Variants in GABRG3 observed in about 807,000 individuals in gnomAD.
GABRG3 encodes the protein gamma-aminobutyric acid type A receptor subunit gamma3, also known as gamma-aminobutyric acid receptor subunit gamma-3.
In GABRG3, 25 loss-of-function variants were observed where a neutral mutation model predicts 48.8. That is an observed-to-expected ratio of 0.51 (90% CI 0.37 to 0.72). The LOEUF is 0.72. Among genes scored for constraint, GABRG3 ranks in the 30% least tolerant of loss-of-function variants. The pLI is 0.00. For missense variants in GABRG3, 394 were observed against 577.9 expected, an observed-to-expected ratio of 0.68 and a Z score of 3.26; for synonymous variants, 227 against 217.6, an observed-to-expected ratio of 1.04 and a Z score of -0.38.
chr15:27,137,610 A>T (rs1236166794), intron 3 of GABRG3, among the ~76,000 whole-genome samples: 1 of 152,184 alleles, frequency 6.6e-6, no homozygotes, highest in African/African-American at 2.4e-5. Flanking sequence ...AATGTATAAC[A>T]TGCATTAATA....
chr15:27,176,178 T>G (rs1463697342), intron 3 of GABRG3, among the ~76,000 whole-genome samples: 1 of 152,218 alleles, frequency 6.6e-6, no homozygotes, highest in Non-Finnish European at 1.5e-5. Context: ...TGTGAATTTC[T>G]CAAAGAGCTA....
At chr15:27,170,521 A>T (rs1887530201) in intron 3 of GABRG3, among the ~76,000 whole-genome samples, 2 of 152,234 alleles carry the variant, frequency 1.3e-5, no homozygotes, top group Non-Finnish European at 2.9e-5. Context: ...GCTGATCCAA[A>T]AGAAAACAAG....
chr15:27,469,866 T>C (rs1376668497), intron 5 of GABRG3, among the ~76,000 whole-genome samples: 2 of 152,222 alleles, frequency 1.3e-5, no homozygotes, highest in Non-Finnish European at 2.9e-5. Flanking sequence ...TAGGCAGCCC[T>C]GTATAATTCT....
rs1015845182 is a variant in GABRG3 at position 27,481,150 on chromosome 15, A to G, written c.712+363A>G. 5.2e-5 allele frequency: 54 copies of G among 1,043,844 alleles called. No homozygotes were observed. The African/African-American group carries it at 8.0e-4, about 16-fold the overall frequency. 64.7% of individuals were successfully genotyped at this position (1,043,844 alleles called of 1,614,324 possible). ...CAAATATTATTGAGAATCCACACATAAAAGAAGCTGGTGTGATATGTCCTT... is the reference window on the plus strand; with the variant it reads ...CAAATATTATTGAGAATCCACACATGAAAGAAGCTGGTGTGATATGTCCTT... On this transcript the variant is annotated intron_variant, in intron 6 of 9. Coordinates refer to ENST00000615808, the MANE Select transcript of GABRG3 (RefSeq NM_033223.5).
intron 5 of GABRG3, chr15:27,350,115 T>C (rs1386830178): frequency 2.2e-6 from 1 of 455,954 alleles, no homozygotes; most frequent in African/African-American, 2.0e-5. Context: ...TCTTCCCTGC[T>C]CACTTTCCCA....
rs1482016215 is a variant in GABRG3 at position 27,536,032 on chromosome 15, C to A, written c.*3151C>A. On this transcript the variant is annotated 3_prime_UTR_variant, in exon 10 of 10. Transcript: ENST00000615808. ...AGTGATCTGCATTCCAAAGGTGCTA[C>A]TGTGTTCCTCACTTTCAGAAATACT... is the stretch of plus-strand genomic sequence containing the variant. 2.0e-5 allele frequency: 3 copies of A among 152,208 alleles called. No individual in the cohort carries two copies. The highest frequency in any genetic ancestry group is 4.4e-5 in the Non-Finnish European group (3 of 68,048). 9.4% of individuals were successfully genotyped at this position (152,208 alleles called of 1,614,324 possible).
At chr15:27,345,125 G>A (rs968533137) in intron 5 of GABRG3, among the ~76,000 whole-genome samples, 5 of 152,024 alleles carry the variant, frequency 3.3e-5, no homozygotes, top group African/African-American at 1.2e-4. Flanking sequence ...CATAGAGTTG[G>A]GGCTTTTTAA....
At chr15:27,265,083 T>A (rs767241615) in intron 3 of GABRG3, among the ~76,000 whole-genome samples, 48 of 152,234 alleles carry the variant, frequency 3.2e-4, no homozygotes, top group Non-Finnish European at 4.3e-4. Context: ...TAAAACTACA[T>A]CCTTTAAACC....
At chr15:27,520,643 C>CTATTTTTTTTTTTTTTTTTTTTTTT (rs1891136344) in intron 7 of GABRG3, among the ~76,000 whole-genome samples, 1 of 123,940 alleles carries the variant, frequency 8.1e-6, no homozygotes, top group East Asian at 2.5e-4. Context: ...TTCCCAAAAT[C>CTATTTTTTTTTTTTTTTTTTTTTTT]TTCTTAATAA....
chr15:27,397,800 AAAT>A (rs1444717022), intron 5 of GABRG3, among the ~76,000 whole-genome samples: 1 of 138,830 alleles, frequency 7.2e-6, no homozygotes, highest in African/African-American at 2.7e-5. Context: ...CTTCTCTGAA[AAAT>A]TTTTTTTTTT....
chr15:27,217,852 G>A (rs1473134954), intron 3 of GABRG3, among the ~76,000 whole-genome samples: 1 of 152,200 alleles, frequency 6.6e-6, no homozygotes, highest in Non-Finnish European at 1.5e-5. Flanking sequence ...CGCCACAGGT[G>A]CCTTCTTCCC....
At chr15:27,516,936 C>T (rs1891033439) in intron 6 of GABRG3, among the ~76,000 whole-genome samples, 2 of 152,218 alleles carry the variant, frequency 1.3e-5, no homozygotes, top group Admixed American at 6.5e-5. Flanking sequence ...TGACTTTCCT[C>T]TGAATATGAG....
chr15:27,336,249 G>GAAAA (rs1566792033), intron 5 of GABRG3, among the ~76,000 whole-genome samples: 11 of 137,116 alleles, frequency 8.0e-5, no homozygotes, highest in African/African-American at 3.1e-4. Context: ...AGAAAAGAAA[G>GAAAA]AAAGAAAAAG....
At chr15:27,353,181 A>G (rs1031532659) in intron 5 of GABRG3, among the ~76,000 whole-genome samples, 4 of 151,866 alleles carry the variant, frequency 2.6e-5, no homozygotes, top group African/African-American at 9.7e-5. Flanking sequence ...GAGTAGACAC[A>G]CTGGTCAGCT....
At chr15:26,994,361 T>C (rs1382166363) in intron 2 of GABRG3, among the ~76,000 whole-genome samples, 3 of 152,032 alleles carry the variant, frequency 2.0e-5, no homozygotes, top group Non-Finnish European at 2.9e-5. Flanking sequence ...GTATACGTTT[T>C]ATGTTTTTTG....
At chr15:27,217,042 A>C (rs866422157) in intron 3 of GABRG3, among the ~76,000 whole-genome samples, 24 of 139,802 alleles carry the variant, frequency 1.7e-4, no homozygotes, top group Admixed American at 1.3e-3. Context: ...GTTTTTTGTT[A>C]TTGCGATAGT....
chr15:27,356,673 A>T (rs1362596709), intron 5 of GABRG3, among the ~76,000 whole-genome samples: 1 of 152,248 alleles, frequency 6.6e-6, no homozygotes, highest in Non-Finnish European at 1.5e-5. Context: ...AATGTTTATC[A>T]AATTAGTAAA....
At chr15:27,262,002 G>A (rs28485417) in intron 3 of GABRG3, among the ~76,000 whole-genome samples, 3,168 of 152,126 alleles carry the variant, frequency 0.021, 105 homozygotes, top group African/African-American at 0.073. Flanking sequence ...CTCTTCCAAC[G>A]AATCCCCAAG....
chr15:27,476,383 A>G (rs1889941013), intron 5 of GABRG3, among the ~76,000 whole-genome samples: 1 of 152,196 alleles, frequency 6.6e-6, no homozygotes, highest in African/African-American at 2.4e-5. Context: ...AAATGTGTGT[A>G]AAGAACTTAA....
Sources: allele counts gnomAD v4.1 joint callset (sites outside exome capture counted in the v4.1 genomes callset), GRCh38; gene constraint gnomAD v4.1.1; transcripts MANE v1.5; gene names NCBI Gene and HGNC (gene_info 2026-07-23, HGNC 2026-07-21).